CSMD1: variants seen among roughly 807,000 people sequenced by gnomAD.
CSMD1 encodes the protein CUB and sushi domain-containing protein 1.
Under a neutral mutation model 417.5 loss-of-function variants are expected in CSMD1, and 213 were observed. The observed-to-expected ratio is 0.51, with a 90% CI of 0.46 to 0.57. The LOEUF (loss-of-function observed/expected upper bound fraction) is 0.57, where lower values mean the gene tolerates loss of function less well. CSMD1 is among the 20% of genes least tolerant of loss of function. The pLI is 0.00. For missense variants in CSMD1, 6,923 were observed against 4,529.7 expected (o/e 1.53, Z -15.17); for synonymous variants, 2,862 against 1,736.8 (o/e 1.65, Z -16.11).
At chr8:3,989,395 A>G in intron 5 of CSMD1, among the ~76,000 whole-genome samples, 1 of 152,202 alleles carries the variant, frequency 6.6e-6, no homozygotes, top group South Asian at 2.1e-4. Context: ...AAAAAACGAC[A>G]GAGGACATTG....
chr8:4,509,538 C>A (rs1802707215), intron 2 of CSMD1, among the ~76,000 whole-genome samples: 1 of 152,116 alleles, frequency 6.6e-6, no homozygotes, highest in Non-Finnish European at 1.5e-5. Context: ...GAGGAAATCA[C>A]ATGGAAATGG....
At chr8:4,955,280 G>T (rs139084480) in intron 1 of CSMD1, among the ~76,000 whole-genome samples, 1,844 of 152,142 alleles carry the variant, frequency 0.012, 17 homozygotes, top group Non-Finnish European at 0.018. Flanking sequence ...CAATAAAGTT[G>T]CATAAACTTG....
intron 26 of CSMD1, among the ~76,000 whole-genome samples, chr8:3,262,554 AAG>A (rs1442539018): frequency 2.6e-5 from 4 of 152,054 alleles, no homozygotes; most frequent in Non-Finnish European, 4.4e-5. Flanking sequence ...AAAAAAGAAA[AAG>A]AAAAAATCAA....
chr8:3,229,889 C>T (rs542698219), intron 27 of CSMD1, 151 bp downstream of exon 27: 1 of 552,204 alleles, frequency 1.8e-6, no homozygotes, highest in Non-Finnish European at 3.1e-6. Flanking sequence ...TAAAGGTTTA[C>T]AATAAAATTT....
chr8:4,390,600 G>T (rs149065667), intron 3 of CSMD1, among the ~76,000 whole-genome samples: 5,000 of 151,694 alleles, frequency 0.033, 123 homozygotes, highest in East Asian at 0.05. Context: ...TGCAAGCTCC[G>T]CCTCCCGGAC....
intron 1 of CSMD1, among the ~76,000 whole-genome samples, chr8:4,713,864 A>T (rs1260079935): frequency 1.1e-4 from 16 of 152,162 alleles, no homozygotes; most frequent in Admixed American, 1.0e-3. Flanking sequence ...AGATGGGCAG[A>T]AGCCAAAAGT....
intron 3 of CSMD1, among the ~76,000 whole-genome samples, chr8:4,167,601 G>C (rs563321406): frequency 2.6e-5 from 4 of 152,102 alleles, no homozygotes; most frequent in Non-Finnish European, 5.9e-5. Flanking sequence ...GCAAATGGCA[G>C]AAAAAAGGAT....
intron 3 of CSMD1, among the ~76,000 whole-genome samples, chr8:4,072,971 C>A (rs1259476884): frequency 6.6e-6 from 1 of 152,164 alleles, no homozygotes; most frequent in Non-Finnish European, 1.5e-5. Flanking sequence ...CTCGTGACAT[C>A]AGATTTTGCC....
In CSMD1 at chr8:3,029,372, C is replaced by A; in HGVS notation, c.7802G>T (p.Arg2601Leu). ...GTTCCACGTCCCATTGGCCTGGCAC[C>A]GCAGGAGCCTCCAGCCTTCTAAGTA... ...GYYLEGWRLL[R>L]CQANGTWNIG... The change falls in exon 51 of 70, where the codon CGG becomes CTG. Residue 2601 changes from arginine (R) to leucine (L), a missense_variant. Physicochemically the swap from Arg to Leu is moderately radical, Grantham distance 102. Coordinates refer to ENST00000635120, the MANE Select transcript of CSMD1 (RefSeq NM_033225.6). The A allele has an allele frequency of 6.2e-7, 1 of 1,611,164 alleles. No individual in the cohort carries two copies. The highest frequency in any genetic ancestry group is 1.1e-5 in the South Asian group (1 of 90,752).
intron 3 of CSMD1, among the ~76,000 whole-genome samples, chr8:4,132,516 G>A (rs1279063961): frequency 1.6e-4 from 24 of 152,078 alleles, no homozygotes; most frequent in Admixed American, 1.6e-3. Flanking sequence ...GCATTCCCCT[G>A]TTTCTGGGTA....
At chr8:3,725,386 G>C (rs777044987) in intron 6 of CSMD1, among the ~76,000 whole-genome samples, 3 of 152,180 alleles carry the variant, frequency 2.0e-5, no homozygotes, top group Non-Finnish European at 2.9e-5. Flanking sequence ...GACCAGGATA[G>C]ACATCACTTG....
In CSMD1 at chr8:4,147,041, G is replaced by A. The variant is rs565611686; in HGVS notation, c.416-114942C>T. Among the ~76,000 whole-genome samples the A allele has an allele frequency of 5.3e-5, 8 of 151,954 alleles. No individual in the cohort carries two copies. In the South Asian group the frequency reaches 1.7e-3, roughly 32 times the overall value. On this transcript the variant is annotated intron_variant, in intron 3 of 69. Transcript: ENST00000635120. ...GAGAGTCAGAGATCGGGGGTTTTCT[G>A]GGCTTTTCCTTCACCCTCCTGCCCT... is the stretch of plus-strand genomic sequence containing the variant.
intron 6 of CSMD1, among the ~76,000 whole-genome samples, chr8:3,735,669 T>C (rs534125880): frequency 6.6e-6 from 1 of 152,308 alleles, no homozygotes; most frequent in Admixed American, 6.5e-5. Flanking sequence ...AGAAATGGGC[T>C]GCCCTCTGGA....
At chr8:4,212,678 G>C (rs889683861) in intron 3 of CSMD1, among the ~76,000 whole-genome samples, 1 of 145,528 alleles carries the variant, frequency 6.9e-6, no homozygotes, top group African/African-American at 2.6e-5. Flanking sequence ...TCTAAGAACA[G>C]AAATAATTAG....
At position 3,998,012 on chromosome 8, in the gene CSMD1, T is replaced by C; in HGVS notation, c.709A>G (p.Thr237Ala). The change falls in exon 5 of 70, where the codon ACC becomes GCC. Residue 237 changes from threonine (T) to alanine (A), a missense_variant. Physicochemically the swap from Thr to Ala is moderately conservative, Grantham distance 58. Coordinates refer to ENST00000635120, the MANE Select transcript of CSMD1 (RefSeq NM_033225.6). ...EYENNADCTW[T>A]ILAEPGDTIA... ...GTGTCCCCGGGCTCAGCCAGAATGG[T>C]CCAGGTGCAGTCCGCGTTGTTCTCG... is the stretch of plus-strand genomic sequence containing the variant. The C allele has an allele frequency of 1.2e-6, 2 of 1,609,118 alleles. No homozygotes were observed. The highest frequency in any genetic ancestry group is 1.1e-5 in the South Asian group (1 of 89,906).
intron 40 of CSMD1, among the ~76,000 whole-genome samples, chr8:3,146,627 T>C (rs908748217): frequency 1.1e-3 from 174 of 152,230 alleles, no homozygotes; most frequent in African/African-American, 4.1e-3. Context: ...CCTCAGTTCT[T>C]TTGGCTAGAG....
chr8:4,884,080 C>G (rs1803575206), intron 1 of CSMD1, among the ~76,000 whole-genome samples: 1 of 151,986 alleles, frequency 6.6e-6, no homozygotes, highest in South Asian at 2.1e-4. Flanking sequence ...TCCCTGATGG[C>G]AAATGATATT....
chr8:3,495,653 T>C (rs556905585), intron 10 of CSMD1, among the ~76,000 whole-genome samples: 11 of 152,224 alleles, frequency 7.2e-5, no homozygotes, highest in Non-Finnish European at 1.6e-4. Flanking sequence ...ATTTTACAAA[T>C]ATATGCAGCT....
At chr8:4,726,229 C>T (rs188103736) in intron 1 of CSMD1, among the ~76,000 whole-genome samples, 2 of 151,866 alleles carry the variant, frequency 1.3e-5, no homozygotes, top group Non-Finnish European at 2.9e-5. Context: ...ATATTAGGGT[C>T]AGAAAAACTC....
Sources: gnomAD v4.1 joint callset for allele counts (sites outside exome capture counted in the v4.1 genomes callset) on GRCh38, gnomAD v4.1.1 for gene constraint, MANE v1.5 for transcripts, NCBI Gene and HGNC (gene_info 2026-07-23, HGNC 2026-07-21) for gene names.